Variants in CNTNAP2 observed in about 807,000 individuals in gnomAD.
The protein encoded by CNTNAP2 is contactin associated protein 2.
A neutral mutation model predicts 155.2 loss-of-function variants in CNTNAP2; 98 were observed. That is an observed-to-expected ratio of 0.63 (90% CI 0.54 to 0.75). The LOEUF is 0.75. Ranked by LOEUF, CNTNAP2 falls within the 30% of genes least tolerant of loss-of-function variation. The pLI is 0.00. For missense variants in CNTNAP2, 1,727 were observed against 1,688.1 expected (o/e 1.02, Z -0.40); for synonymous variants, 651 against 631.2 (o/e 1.03, Z -0.47).
At chr7:147,529,812 TTTTTCTGACTA>T (rs1799399451) in intron 11 of CNTNAP2, among the ~76,000 whole-genome samples, 1 of 152,216 alleles carries the variant, frequency 6.6e-6, no homozygotes, top group Admixed American at 6.5e-5. Flanking sequence ...TAAAAAGATT[TTTTTCTGACTA>T]TTTCCATAAT....
chr7:147,338,452 A>G (rs531014940), intron 9 of CNTNAP2, among the ~76,000 whole-genome samples: 91 of 152,268 alleles, frequency 6.0e-4, no homozygotes, highest in Non-Finnish European at 1.1e-3. Flanking sequence ...CAAATATAGA[A>G]CATAAGAAGA....
rs542786250 is a variant in CNTNAP2 at position 148,079,256 on chromosome 7, A to G, written c.2384-38862A>G. ...GGGGACATAAGACATCACTCGATAC[A>G]TGTAAGATATACTTTGGTTTTGTCT... On this transcript the variant is annotated intron_variant, in intron 15 of 23. Coordinates refer to ENST00000361727, the MANE Select transcript of CNTNAP2 (RefSeq NM_014141.6). Among the ~76,000 whole-genome samples, 7 of 152,356 alleles carry G rather than the reference A, an allele frequency of 4.6e-5. No individual in the cohort carries two copies. In the East Asian group the frequency reaches 1.3e-3, roughly 29 times the overall value.
At chr7:147,929,568 G>T (rs1199215738) in intron 14 of CNTNAP2, among the ~76,000 whole-genome samples, 1 of 152,170 alleles carries the variant, frequency 6.6e-6, no homozygotes, top group Non-Finnish European at 1.5e-5. Flanking sequence ...TTTAGAGATA[G>T]ACTAATCCAT....
At chr7:148,414,767 T>TATCA (rs1799938369) in intron 23 of CNTNAP2, 1 of 153,948 alleles carries the variant, frequency 6.5e-6, no homozygotes, top group Non-Finnish European at 1.4e-5. Context: ...ATGACCATTC[T>TATCA]ATCAACTGTA....
intron 1 of CNTNAP2, among the ~76,000 whole-genome samples, chr7:146,253,863 C>G (rs1799795050): frequency 6.6e-6 from 1 of 151,170 alleles, no homozygotes; most frequent in African/African-American, 2.5e-5. Context: ...TTGAGATGAG[C>G]CTGAGAAACA....
intron 1 of CNTNAP2, among the ~76,000 whole-genome samples, chr7:146,500,018 A>G (rs1212253633): frequency 1.3e-5 from 2 of 151,836 alleles, no homozygotes; most frequent in African/African-American, 4.8e-5. Context: ...TTATTTTCAG[A>G]TTGTTTATTG....
chr7:147,528,609 T>G (rs1468172740), intron 11 of CNTNAP2, among the ~76,000 whole-genome samples: 1 of 152,200 alleles, frequency 6.6e-6, no homozygotes, highest in African/African-American at 2.4e-5. Flanking sequence ...TTGTACATCT[T>G]ACATGTTCCT....
At chr7:146,986,304 C>T (rs896885738) in intron 3 of CNTNAP2, among the ~76,000 whole-genome samples, 7 of 152,284 alleles carry the variant, frequency 4.6e-5, no homozygotes, top group South Asian at 2.1e-4. Flanking sequence ...TCTCCAATAT[C>T]GTCCAGGTTG....
At chr7:147,090,482 C>A (rs1224096771) in intron 4 of CNTNAP2, among the ~76,000 whole-genome samples, 1 of 152,016 alleles carries the variant, frequency 6.6e-6, no homozygotes, top group Non-Finnish European at 1.5e-5. Context: ...TGCTCAAGGT[C>A]ATACATTTAT....
chr7:148,089,938 A>G (rs1803805252), intron 15 of CNTNAP2, among the ~76,000 whole-genome samples: 1 of 151,954 alleles, frequency 6.6e-6, no homozygotes, highest in African/African-American at 2.4e-5. Flanking sequence ...ACATATACCA[A>G]TGGAACAGAA....
intron 12 of CNTNAP2, among the ~76,000 whole-genome samples, chr7:147,607,419 T>A (rs1801092098): frequency 6.6e-6 from 1 of 152,120 alleles, no homozygotes; most frequent in East Asian, 1.9e-4. Flanking sequence ...TTTCTCTCTC[T>A]CTCTCTCTCT....
At chr7:146,174,378 A>G (rs1488731450) in intron 1 of CNTNAP2, among the ~76,000 whole-genome samples, 1 of 152,038 alleles carries the variant, frequency 6.6e-6, no homozygotes, top group African/African-American at 2.4e-5. Context: ...CAGTGGCCAC[A>G]CCTGGCTAAT....
At chr7:147,200,766 C>T (rs1802906356) in intron 8 of CNTNAP2, among the ~76,000 whole-genome samples, 1 of 152,150 alleles carries the variant, frequency 6.6e-6, no homozygotes, top group Admixed American at 6.5e-5. Flanking sequence ...GGGAGGAATT[C>T]ATGGGTGTAA....
chr7:147,794,300 G>C (rs993876297), intron 13 of CNTNAP2, among the ~76,000 whole-genome samples: 4 of 151,906 alleles, frequency 2.6e-5, no homozygotes, highest in Non-Finnish European at 2.9e-5. Context: ...TTTTCTAGGT[G>C]TCCTTCACCA....
Position 147,332,055 on chromosome 7 carries a change from A to G in CNTNAP2, c.1498+31765A>G, listed in dbSNP as rs143858717. 5.0e-4 allele frequency among the ~76,000 whole-genome samples: 76 copies of G among 152,342 alleles called. No individual in the cohort carries two copies. In the East Asian group the frequency reaches 0.014, roughly 29 times the overall value. On this transcript the variant is annotated intron_variant, in intron 9 of 23. Transcript: ENST00000361727. ...CTTTGGCAATAGTTAATGCAGAAAT[A>G]CTAATAAGAAATGAGAACATTGTTA... is the stretch of plus-strand genomic sequence containing the variant.
In CNTNAP2 at chr7:147,229,725, G is replaced by A. The variant is rs962787562; in HGVS notation, c.1349-70416G>A. Among the ~76,000 whole-genome samples the A allele has an allele frequency of 4.6e-5, 7 of 152,152 alleles. No individual in the cohort carries two copies. In the South Asian group the frequency reaches 1.2e-3, roughly 27 times the overall value. ...TATGTTCTTGTCTATGTCGACAAAG[G>A]CATCAAATTAAACTTGCAAAGGTAG... On this transcript the variant is annotated intron_variant, in intron 8 of 23. Transcript: ENST00000361727.
rs569551783 is a variant in CNTNAP2 at position 147,060,623 on chromosome 7, G to GGAGGCC, written c.550+16575_550+16580dup. Among the ~76,000 whole-genome samples the GGAGGCC allele has an allele frequency of 2.6e-3, 402 of 152,178 alleles. 4 individuals carry two copies. The highest frequency in any genetic ancestry group is 9.3e-3 in the African/African-American group (386 of 41,542). On this transcript the variant is annotated intron_variant, in intron 4 of 23. Transcript: ENST00000361727. ...TCACGCCTGTAATCTCAGCACTCTG[G>GGAGGCC]GAGGCCGAGGCGGGCGGATCACGAG...
chr7:148,197,811 G>T (rs1795301297), intron 18 of CNTNAP2, among the ~76,000 whole-genome samples: 2 of 152,198 alleles, frequency 1.3e-5, no homozygotes, highest in Admixed American at 1.3e-4. Flanking sequence ...AAGAGGAGGA[G>T]CTCAACAAAG....
At chr7:148,346,313 T>G (rs1489076977) in intron 21 of CNTNAP2, among the ~76,000 whole-genome samples, 1 of 152,200 alleles carries the variant, frequency 6.6e-6, no homozygotes, top group Non-Finnish European at 1.5e-5. Flanking sequence ...TCAGAATACG[T>G]GAAAATTAGA....
Sources: allele counts gnomAD v4.1 joint callset (sites outside exome capture counted in the v4.1 genomes callset), GRCh38; gene constraint gnomAD v4.1.1; transcripts MANE v1.5; gene names NCBI Gene and HGNC (gene_info 2026-07-23, HGNC 2026-07-21).